Variants in KIZ observed in about 807,000 individuals in gnomAD.
KIZ encodes kizuna centrosomal protein, also known as centrosomal protein kizuna.
A neutral mutation model predicts 79.6 loss-of-function variants in KIZ; 68 were observed. The observed-to-expected ratio is 0.85, with a 90% CI of 0.70 to 1.05. KIZ has a LOEUF of 1.05. KIZ is among the 50% of genes least tolerant of loss of function. The pLI is 0.00. For missense variants in KIZ, 797 were observed against 800.4 expected, an observed-to-expected ratio of 1.00 and a Z score of 0.05; for synonymous variants, 280 against 281.8, an observed-to-expected ratio of 0.99 and a Z score of 0.06.
chr20:21,188,638 G>T (rs2034982683), intron 6 of KIZ, among the ~76,000 whole-genome samples: 1 of 151,156 alleles, frequency 6.6e-6, no homozygotes, highest in African/African-American at 2.4e-5. Flanking sequence ...TAGGTAGCTG[G>T]CTCCATAATA....
intron 6 of KIZ, among the ~76,000 whole-genome samples, chr20:21,190,130 T>C (rs1312052790): frequency 6.6e-6 from 1 of 152,242 alleles, no homozygotes; most frequent in Non-Finnish European, 1.5e-5. Flanking sequence ...AGATAGTCGC[T>C]TCCAGTTTAT....
intron 6 of KIZ, among the ~76,000 whole-genome samples, chr20:21,190,332 C>G (rs1462817043): frequency 2.0e-5 from 3 of 152,208 alleles, no homozygotes; most frequent in Admixed American, 6.5e-5. Flanking sequence ...AAGCTAGCAG[C>G]CCGGAATTCA....
Position 21,229,025 on chromosome 20 carries a change from C to T in KIZ, c.1693C>T (p.Gln565Ter), listed in dbSNP as rs1379466017. 1.9e-6 allele frequency: 3 copies of T among 1,599,492 alleles called. No individual in the cohort carries two copies. Among genetic ancestry groups the T allele is most frequent in the Non-Finnish European group, 1.7e-6 (2 of 1,168,052 alleles). The change falls in exon 10 of 13, where the codon CAG becomes TAG. Residue 565 changes from glutamine (Q) to a stop codon, truncating the protein, a stop_gained. Coordinates refer to ENST00000619189, the MANE Select transcript of KIZ (RefSeq NM_018474.6). LOFTEE classifies it high-confidence loss of function. The stretch of plus-strand genomic sequence containing the variant: ...TTAATCAACAGAAACAGAAGCCTAT[C>T]AGTTGCTGAAGAAGGCCACCCTTCA... ...DIPITETEAY[Q>*]LLKKATLQDN...
chr20:21,221,475 TC>T (rs1695015799), intron 9 of KIZ, among the ~76,000 whole-genome samples: 1 of 152,128 alleles, frequency 6.6e-6, no homozygotes, highest in South Asian at 2.1e-4. Context: ...CTCCTTAAGC[TC>T]CATGTGAAAA....
chr20:21,140,859 C>G (rs1441508389), intron 3 of KIZ, among the ~76,000 whole-genome samples: 1 of 151,524 alleles, frequency 6.6e-6, no homozygotes, highest in African/African-American at 2.4e-5. Flanking sequence ...TTAAAATTAG[C>G]CAGCTGTAGG....
chr20:21,226,163 C>A (rs1339369466), intron 9 of KIZ: 1 of 152,314 alleles, frequency 6.6e-6, no homozygotes, highest in Non-Finnish European at 1.5e-5. Flanking sequence ...AGACCAGGAC[C>A]ACTTTCCCAC....
chr20:21,216,976 A>T (rs188139884), intron 9 of KIZ, among the ~76,000 whole-genome samples: 2 of 152,192 alleles, frequency 1.3e-5, no homozygotes, highest in Non-Finnish European at 2.9e-5. Flanking sequence ...CAGGGTTTCA[A>T]ATCCCTTCTC....
intron 2 of KIZ, 49 bp from the exon 3 acceptor site, chr20:21,136,341 A>T (rs1209150393): frequency 9.4e-7 from 1 of 1,063,342 alleles, no homozygotes; most frequent in South Asian, 1.6e-5. Flanking sequence ...CCTTTCTTAG[A>T]TTCGTCCAAG....
intron 6 of KIZ, among the ~76,000 whole-genome samples, chr20:21,189,021 A>G (rs190715726): frequency 2.1e-4 from 32 of 150,784 alleles, no homozygotes; most frequent in Admixed American, 7.9e-4. Context: ...TTTGTATTTT[A>G]TTTTAAGAGA....
At chr20:21,181,615 T>C (rs572622837) in intron 6 of KIZ, among the ~76,000 whole-genome samples, 1 of 152,180 alleles carries the variant, frequency 6.6e-6, no homozygotes, top group Admixed American at 6.5e-5. Context: ...TGCGCCACCA[T>C]GCCTGGCTAA....
chr20:21,186,401 C>G (rs2034876686), intron 6 of KIZ, among the ~76,000 whole-genome samples: 1 of 151,738 alleles, frequency 6.6e-6, no homozygotes, highest in Non-Finnish European at 1.5e-5. Context: ...CATGAGTACA[C>G]TTGGAATCCG....
intron 6 of KIZ, among the ~76,000 whole-genome samples, chr20:21,182,470 G>A (rs184267661): frequency 6.6e-6 from 1 of 152,198 alleles, no homozygotes; most frequent in African/African-American, 2.4e-5. Context: ...TATTATAATT[G>A]TTCTAGACTA....
At chr20:21,129,004 A>G (rs889593508) in intron 1 of KIZ, among the ~76,000 whole-genome samples, 5 of 152,324 alleles carry the variant, frequency 3.3e-5, no homozygotes, top group African/African-American at 1.2e-4. Context: ...GAAAACATGA[A>G]CTATGGGTAA....
chr20:21,141,050 G>A (rs1282524950), intron 3 of KIZ, among the ~76,000 whole-genome samples: 1 of 151,966 alleles, frequency 6.6e-6, no homozygotes, highest in East Asian at 1.9e-4. Context: ...AAAAACCCAA[G>A]AATGTAAATA....
chr20:21,237,975 A>T (rs1024641826), intron 11 of KIZ, among the ~76,000 whole-genome samples: 6 of 152,086 alleles, frequency 3.9e-5, no homozygotes, highest in African/African-American at 1.4e-4. Context: ...GACCACAGGC[A>T]CATGCCACCA....
At chr20:21,161,524 G>A (rs1280723653) in intron 4 of KIZ, among the ~76,000 whole-genome samples, 1 of 151,994 alleles carries the variant, frequency 6.6e-6, no homozygotes, top group Non-Finnish European at 1.5e-5. Context: ...CAGAGACGGG[G>A]TTTCACCATG....
At chr20:21,176,264 C>T (rs2034429317) in intron 6 of KIZ, among the ~76,000 whole-genome samples, 2 of 152,184 alleles carry the variant, frequency 1.3e-5, no homozygotes, top group East Asian at 1.9e-4. Flanking sequence ...GAGCCAAGAT[C>T]GCACCACTGC....
intron 6 of KIZ, among the ~76,000 whole-genome samples, chr20:21,191,716 A>AG (rs1491402192): frequency 2.0e-5 from 3 of 148,860 alleles, no homozygotes; most frequent in East Asian, 1.9e-4. Flanking sequence ...AAAAGAGAAC[A>AG]GGGGGGGAAG....
chr20:21,202,246 A>C (rs992703343), intron 6 of KIZ: 1 of 152,182 alleles, frequency 6.6e-6, no homozygotes, highest in Non-Finnish European at 1.5e-5. Context: ...TAACTAATTT[A>C]ATTCATCCAA....
Sources: gnomAD v4.1 joint callset for allele counts (sites outside exome capture counted in the v4.1 genomes callset) on GRCh38, gnomAD v4.1.1 for gene constraint, MANE v1.5 for transcripts, NCBI Gene and HGNC (gene_info 2026-07-23, HGNC 2026-07-21) for gene names.